TUBD1: variants seen among roughly 807,000 people sequenced by gnomAD.
The protein encoded by TUBD1 is tubulin delta 1.
Under a neutral mutation model 51.2 loss-of-function variants are expected in TUBD1, and 38 were observed. The ratio of observed to expected loss-of-function variants is 0.74; its 90% CI spans 0.57 to 0.97. The LOEUF (loss-of-function observed/expected upper bound fraction) is 0.97. Ranked by LOEUF, TUBD1 falls within the 50% of genes least tolerant of loss-of-function variation. The pLI is 0.00. For missense variants in TUBD1, 489 were observed against 538.4 expected (o/e 0.91, Z 0.91); for synonymous variants, 169 against 178.2 (o/e 0.95, Z 0.41).
chr17:59,887,730 CA>C (rs1163205882), intron 2 of TUBD1, among the ~76,000 whole-genome samples: 1 of 152,168 alleles, frequency 6.6e-6, no homozygotes, highest in Non-Finnish European at 1.5e-5. Flanking sequence ...TGAGCTCAAG[CA>C]ATCCTCCCAC....
intron 6 of TUBD1, among the ~76,000 whole-genome samples, chr17:59,867,670 A>G (rs1453351392): frequency 2.6e-5 from 4 of 152,110 alleles, no homozygotes; most frequent in African/African-American, 7.2e-5. Context: ...CCTGGGTGAC[A>G]GTGCGAGAAA....
chr17:59,885,617 T>C, intron 3 of TUBD1: 1 of 870,808 alleles, frequency 1.1e-6, no homozygotes, highest in Non-Finnish European at 1.9e-6. Context: ...AAATTTAACC[T>C]TAATGAAATC....
intron 6 of TUBD1, among the ~76,000 whole-genome samples, chr17:59,870,850 C>T (rs1489140274): frequency 6.6e-6 from 1 of 152,192 alleles, no homozygotes; most frequent in Admixed American, 6.5e-5. Flanking sequence ...GTGCCCGGAG[C>T]AACTAACTCA....
At chr17:59,886,047 G>A (rs2144564900) in intron 3 of TUBD1, 36 bp downstream of exon 3, 1 of 1,610,122 alleles carries the variant, frequency 6.2e-7, no homozygotes, top group East Asian at 2.2e-5. Context: ...CTGTGTAGCT[G>A]TCACTAAACT....
At chr17:59,876,720 G>A (rs2040242447) in intron 5 of TUBD1, among the ~76,000 whole-genome samples, 1 of 151,920 alleles carries the variant, frequency 6.6e-6, no homozygotes. Flanking sequence ...TCGAACTCCT[G>A]GCCTCAAGCG....
At chr17:59,863,195 C>T (rs2039540366) in intron 8 of TUBD1, among the ~76,000 whole-genome samples, 1 of 152,188 alleles carries the variant, frequency 6.6e-6, no homozygotes, top group South Asian at 2.1e-4. Flanking sequence ...CCCACTTATA[C>T]AGATGAGGCA....
intron 2 of TUBD1, among the ~76,000 whole-genome samples, chr17:59,888,546 G>C (rs771080468): frequency 6.6e-6 from 1 of 152,134 alleles, no homozygotes; most frequent in Non-Finnish European, 1.5e-5. Flanking sequence ...AATCTGTCTA[G>C]AGCTTTTAAG....
At chr17:59,862,608 C>T (rs1385668767) in intron 8 of TUBD1, among the ~76,000 whole-genome samples, 1 of 151,146 alleles carries the variant, frequency 6.6e-6, no homozygotes, top group Non-Finnish European at 1.5e-5. Context: ...GGCATAGTCT[C>T]GGCTCTCTGC....
chr17:59,886,066 C>T lies in TUBD1; in HGVS notation c.320+17G>A, dbSNP rs1382740500. ...GTAGCTGTCACTAAACTGAAAATCA[C>T]AAGAAATTATTCTTACCCATATGCC... On this transcript the variant is annotated intron_variant, in intron 3 of 8. Coordinates refer to ENST00000325752, the MANE Select transcript of TUBD1 (RefSeq NM_016261.4). 1.2e-6 allele frequency: 2 copies of T among 1,612,988 alleles called. No homozygotes were observed. The highest frequency in any genetic ancestry group is 1.7e-5 in the Admixed American group (1 of 59,736).
Position 59,890,988 on chromosome 17 carries a change from T to C in TUBD1, c.15A>G (p.Thr5=), listed in dbSNP as rs2040974137. The part of the protein sequence containing the change: MSIV[T]VQLGQCGNQI... ...GATTGCCACACTGACCAAGTTGCAC[T>C]GTTACAATTGACATGCTGAGCCACA... The change falls in exon 2 of 9, where the codon ACA becomes ACG. Residue 5 remains threonine (T), a synonymous_variant. Transcript: ENST00000325752. 6.2e-7 allele frequency: 1 copy of C among 1,610,770 alleles called. No homozygotes were observed. Among genetic ancestry groups the C allele is most frequent in the African/African-American group, 1.3e-5 (1 of 74,804 alleles).
chr17:59,869,929 G>GA (rs2039901460), intron 6 of TUBD1, among the ~76,000 whole-genome samples: 1 of 151,678 alleles, frequency 6.6e-6, no homozygotes, highest in Non-Finnish European at 1.5e-5. Flanking sequence ...GCACAAACAA[G>GA]AAAAAAAGGA....
intron 3 of TUBD1, among the ~76,000 whole-genome samples, chr17:59,883,882 G>A (rs543876219): frequency 1.3e-5 from 2 of 152,210 alleles, no homozygotes; most frequent in South Asian, 4.1e-4. Flanking sequence ...AGTTCTACAA[G>A]TTTTGATACC....
chr17:59,862,974 C>T (rs2039531830), intron 8 of TUBD1, among the ~76,000 whole-genome samples: 1 of 152,068 alleles, frequency 6.6e-6, no homozygotes, highest in Non-Finnish European at 1.5e-5. Context: ...GATCTGCTCG[C>T]CTCAGCCTCC....
intron 5 of TUBD1, among the ~76,000 whole-genome samples, chr17:59,875,972 C>T (rs535535750): frequency 4.6e-5 from 7 of 152,250 alleles, no homozygotes; most frequent in Non-Finnish European, 8.8e-5. Flanking sequence ...CTTTATAACA[C>T]TGAGTACAAA....
intron 2 of TUBD1, 34 bp from the exon 3 acceptor site, chr17:59,886,264 GA>G: frequency 1.3e-6 from 2 of 1,493,540 alleles, no homozygotes; most frequent in Non-Finnish European, 1.8e-6. Flanking sequence ...AACATCGAAA[GA>G]AAAAAAGATT....
chr17:59,870,741 G>A (rs532324158), intron 6 of TUBD1, among the ~76,000 whole-genome samples: 34 of 152,286 alleles, frequency 2.2e-4, no homozygotes, highest in Non-Finnish European at 4.4e-4. Context: ...GATAAGATAC[G>A]CTGAGTATGA....
At chr17:59,861,873 G>A (rs868293188) in intron 8 of TUBD1, among the ~76,000 whole-genome samples, 34 of 151,298 alleles carry the variant, frequency 2.2e-4, no homozygotes, top group South Asian at 8.4e-4. Flanking sequence ...TCACCATGTT[G>A]GCCAGGCTGG....
intron 6 of TUBD1, among the ~76,000 whole-genome samples, chr17:59,871,072 C>T (rs931171400): frequency 2.6e-5 from 4 of 152,168 alleles, no homozygotes; most frequent in Non-Finnish European, 2.9e-5. Flanking sequence ...TCAACAGCAA[C>T]GCTGCAAGTG....
intron 6 of TUBD1, among the ~76,000 whole-genome samples, chr17:59,870,906 AC>A (rs1461356639): frequency 6.6e-6 from 1 of 152,236 alleles, no homozygotes; most frequent in Non-Finnish European, 1.5e-5. Context: ...CAAAGATGCA[AC>A]AGTAAACCAA....
Sources: allele counts gnomAD v4.1 joint callset (sites outside exome capture counted in the v4.1 genomes callset), GRCh38; gene constraint gnomAD v4.1.1; transcripts MANE v1.5; gene names NCBI Gene and HGNC (gene_info 2026-07-23, HGNC 2026-07-21).